CRADD: variants seen among roughly 807,000 people sequenced by gnomAD.
CRADD encodes death domain-containing protein CRADD.
In CRADD, 9 loss-of-function variants were observed where a neutral mutation model predicts 15.5. That is an observed-to-expected ratio of 0.58 (90% CI 0.35 to 1.01). The LOEUF (loss-of-function observed/expected upper bound fraction) is 1.01. CRADD is among the 50% of genes least tolerant of loss of function. The pLI is 0.02. For synonymous variants in CRADD, 118 were observed against 107.6 expected (o/e 1.10, Z -0.60); for missense variants, 227 against 250.3 (o/e 0.91, Z 0.63).
At chr12:93,845,563 A>AATATATATATATATAT (rs757508123) in intron 2 of CRADD, among the ~76,000 whole-genome samples, 1 of 71,398 alleles carries the variant, frequency 1.4e-5, no homozygotes, top group African/African-American at 6.3e-5. Context: ...GTCTCTATTA[A>AATATATATATATATAT]ATATATATAT....
At chr12:93,817,195 C>T (rs958694581) in intron 2 of CRADD, among the ~76,000 whole-genome samples, 6 of 152,218 alleles carry the variant, frequency 3.9e-5, no homozygotes, top group East Asian at 3.9e-4. Flanking sequence ...GGAGGTCCAT[C>T]GGAGACTCAG....
At chr12:93,739,242 G>A (rs572183182) in intron 2 of CRADD, among the ~76,000 whole-genome samples, 7 of 152,136 alleles carry the variant, frequency 4.6e-5, no homozygotes, top group Admixed American at 4.6e-4. Flanking sequence ...AGGAGACTTT[G>A]AGTAGTAGTG....
At chr12:93,726,112 T>C (rs1392108098) in intron 2 of CRADD, among the ~76,000 whole-genome samples, 2 of 147,188 alleles carry the variant, frequency 1.4e-5, no homozygotes, top group East Asian at 2.0e-4. Context: ...TTTTTTTTTT[T>C]TTTTTTCTTG....
chr12:93,718,735 G>A (rs1448484148), intron 2 of CRADD, among the ~76,000 whole-genome samples: 1 of 150,578 alleles, frequency 6.6e-6, no homozygotes, highest in African/African-American at 2.4e-5. Flanking sequence ...CTGGTTCCTG[G>A]TCTTAGTGGG....
At chr12:93,714,142 T>C (rs1956122451) in intron 2 of CRADD, among the ~76,000 whole-genome samples, 1 of 152,172 alleles carries the variant, frequency 6.6e-6, no homozygotes, top group Non-Finnish European at 1.5e-5. Context: ...CCAAAGAAAA[T>C]ATAGGCTCCT....
chr12:93,736,890 T>C (rs1026824703), intron 2 of CRADD, among the ~76,000 whole-genome samples: 7 of 152,222 alleles, frequency 4.6e-5, no homozygotes, highest in Non-Finnish European at 1.0e-4. Flanking sequence ...ATAGAACTCA[T>C]TATGTGATAC....
chr12:93,820,219 T>C (rs2137017883), intron 2 of CRADD, among the ~76,000 whole-genome samples: 1 of 152,298 alleles, frequency 6.6e-6, no homozygotes, highest in East Asian at 1.9e-4. Context: ...AGAATCATCA[T>C]CATCCCTCCC....
downstream of CRADD, among the ~76,000 whole-genome samples, chr12:93,851,057 AG>A (rs1958215577): frequency 2.0e-5 from 3 of 152,282 alleles, no homozygotes; most frequent in South Asian, 6.2e-4. Flanking sequence ...AGGGGACGAG[AG>A]GGGGTGTGGT....
intron 2 of CRADD, among the ~76,000 whole-genome samples, chr12:93,691,103 A>T (rs1042108668): frequency 1.3e-5 from 2 of 152,154 alleles, no homozygotes; most frequent in Non-Finnish European, 2.9e-5. Flanking sequence ...TTAATTAGTT[A>T]TGTGCTACGG....
At chr12:93,753,917 T>G (rs1956859320) in intron 2 of CRADD, among the ~76,000 whole-genome samples, 1 of 152,222 alleles carries the variant, frequency 6.6e-6, no homozygotes, top group East Asian at 1.9e-4. Context: ...ACAGCTCTAC[T>G]AGGAAGTGCC....
At chr12:93,825,931 G>T (rs1957818681) in intron 2 of CRADD, among the ~76,000 whole-genome samples, 1 of 152,170 alleles carries the variant, frequency 6.6e-6, no homozygotes, top group African/African-American at 2.4e-5. Flanking sequence ...TGAACAAAAA[G>T]TGAGACAAAT....
chr12:93,818,916 A>G, intron 2 of CRADD, among the ~76,000 whole-genome samples: 1 of 152,256 alleles, frequency 6.6e-6, no homozygotes, highest in East Asian at 1.9e-4. Flanking sequence ...GCAACCAGGT[A>G]AGGTGCCTTC....
intron 2 of CRADD, among the ~76,000 whole-genome samples, chr12:93,843,060 A>T (rs1958068434): frequency 6.6e-6 from 1 of 152,186 alleles, no homozygotes; most frequent in African/African-American, 2.4e-5. Context: ...AACCAGGATG[A>T]ACATTCTATA....
intron 2 of CRADD, among the ~76,000 whole-genome samples, chr12:93,856,854 C>T (rs116394346): frequency 6.6e-6 from 1 of 152,124 alleles, no homozygotes; most frequent in Non-Finnish European, 1.5e-5. Context: ...CTAAAACTCC[C>T]ACATATTCAA....
At chr12:93,833,909 T>A (rs1957942190) in intron 2 of CRADD, among the ~76,000 whole-genome samples, 3 of 152,200 alleles carry the variant, frequency 2.0e-5, no homozygotes, top group Admixed American at 2.0e-4. Flanking sequence ...AGAATCATAT[T>A]TGCTCAGTCT....
chr12:93,814,553 C>T (rs925747285), intron 2 of CRADD, among the ~76,000 whole-genome samples: 1 of 152,206 alleles, frequency 6.6e-6, no homozygotes, highest in Non-Finnish European at 1.5e-5. Flanking sequence ...AAAGTAAACA[C>T]TGCAGTTAGA....
chr12:93,770,319 G>C (rs1157586333), intron 2 of CRADD, among the ~76,000 whole-genome samples: 2 of 151,770 alleles, frequency 1.3e-5, no homozygotes, highest in African/African-American at 4.8e-5. Flanking sequence ...GGATGGTCTC[G>C]ATCTCCTGAC....
chr12:93,715,758 G>A (rs189183374), intron 2 of CRADD, among the ~76,000 whole-genome samples: 1 of 152,246 alleles, frequency 6.6e-6, no homozygotes, highest in Admixed American at 6.5e-5. Flanking sequence ...TTCTGTGGCT[G>A]TAACAACTTT....
At chr12:93,765,090 C>T (rs1362088932) in intron 2 of CRADD, among the ~76,000 whole-genome samples, 1 of 151,474 alleles carries the variant, frequency 6.6e-6, no homozygotes, top group Non-Finnish European at 1.5e-5. Context: ...ACATCAGAAA[C>T]GTAACATGTA....
Sources: allele counts gnomAD v4.1 joint callset (sites outside exome capture counted in the v4.1 genomes callset), GRCh38; gene constraint gnomAD v4.1.1; transcripts MANE v1.5; gene names NCBI Gene and HGNC (gene_info 2026-07-23, HGNC 2026-07-21).